Variants in CCDC171 observed in about 807,000 individuals in gnomAD.
The protein encoded by CCDC171 is coiled-coil domain containing 171, also known as coiled-coil domain-containing protein 171.
CCDC171 carries 177 observed loss-of-function variants against 168.2 expected under a neutral mutation model. The observed-to-expected ratio is 1.05, with a 90% CI of 0.93 to 1.19. The LOEUF (loss-of-function observed/expected upper bound fraction) is 1.19, where lower values mean the gene tolerates loss of function less well. Among genes scored for constraint, CCDC171 ranks in the 50% most tolerant of loss-of-function variants. The pLI, the probability that CCDC171 is intolerant of heterozygous loss-of-function variation, is 0.00. For missense variants in CCDC171, 1,991 were observed against 1,539.0 expected (o/e 1.29, Z -4.91); for synonymous variants, 687 against 540.8 (o/e 1.27, Z -3.75).
the CCDC171 span, among the ~76,000 whole-genome samples, chr9:16,089,808 A>G: frequency 1.3e-5 from 2 of 152,210 alleles, no homozygotes; most frequent in South Asian, 2.1e-4. Context: ...TATGCACTCA[A>G]GAAACATGAA....
At chr9:15,911,116 A>G (rs1209860907) in intron 24 of CCDC171, among the ~76,000 whole-genome samples, 1 of 152,190 alleles carries the variant, frequency 6.6e-6, no homozygotes, top group Admixed American at 6.5e-5. Flanking sequence ...TTGAGGAATC[A>G]CCAGACTGTC....
intron 21 of CCDC171, among the ~76,000 whole-genome samples, chr9:15,821,265 G>A (rs2136098231): frequency 8.5e-6 from 1 of 117,326 alleles, no homozygotes; most frequent in South Asian, 2.8e-4. Flanking sequence ...CATTCCCTTT[G>A]AAAACTGGCA....
At chr9:15,904,321 G>A (rs60018251) in intron 24 of CCDC171, among the ~76,000 whole-genome samples, 139 of 152,282 alleles carry the variant, frequency 9.1e-4, no homozygotes, top group African/African-American at 3.2e-3. Context: ...GACTAACAGT[G>A]GATCTCTCGG....
chr9:15,570,265 C>A (rs2040118800), intron 2 of CCDC171, among the ~76,000 whole-genome samples: 2 of 152,082 alleles, frequency 1.3e-5, no homozygotes, highest in Admixed American at 1.3e-4. Flanking sequence ...GCCACTGCAC[C>A]TGGCTGTTTT....
intron 25 of CCDC171, among the ~76,000 whole-genome samples, chr9:15,967,558 G>A (rs950341345): frequency 1.3e-5 from 2 of 152,142 alleles, no homozygotes; most frequent in African/African-American, 4.8e-5. Flanking sequence ...AAAAAAGTTA[G>A]GGTTTATAGT....
intron 3 of CCDC171, among the ~76,000 whole-genome samples, chr9:15,989,734 T>G (rs1363130041): frequency 6.7e-6 from 1 of 150,368 alleles, no homozygotes; most frequent in Non-Finnish European, 1.5e-5. Flanking sequence ...AGTCCTTAAA[T>G]GACCTGATGG....
chr9:16,035,057 G>A (rs961776944), intron 6 of CCDC171, among the ~76,000 whole-genome samples: 2 of 152,264 alleles, frequency 1.3e-5, no homozygotes, highest in African/African-American at 2.4e-5. Flanking sequence ...GGGCTGAATC[G>A]AATAAATTAT....
chr9:15,582,103 A>G (rs567365079), intron 4 of CCDC171, among the ~76,000 whole-genome samples: 1 of 152,214 alleles, frequency 6.6e-6, no homozygotes, highest in Admixed American at 6.5e-5. Context: ...CAATCTCATC[A>G]GAAAGTGGGC....
At chr9:16,070,484 T>G in the CCDC171 span, among the ~76,000 whole-genome samples, 1 of 152,190 alleles carries the variant, frequency 6.6e-6, no homozygotes, top group Non-Finnish European at 1.5e-5. Context: ...TATTGCTGGT[T>G]GGGCCTGGGG....
intron 25 of CCDC171, among the ~76,000 whole-genome samples, chr9:15,952,638 C>G (rs1025029795): frequency 6.6e-6 from 1 of 152,068 alleles, no homozygotes; most frequent in Non-Finnish European, 1.5e-5. Context: ...CTCAGGTGAT[C>G]CACCTGCCTT....
At chr9:15,827,205 A>G (rs879095174) in intron 21 of CCDC171, among the ~76,000 whole-genome samples, 1 of 152,104 alleles carries the variant, frequency 6.6e-6, no homozygotes, top group South Asian at 2.1e-4. Context: ...TGAAATAAAT[A>G]CCTTCTTTTT....
chr9:15,695,293 A>G lies in CCDC171; in HGVS notation c.1274A>G (p.Glu425Gly). 1 of 1,614,178 alleles carries G rather than the reference A, an allele frequency of 6.2e-7. No homozygotes were observed. Reference sequence around the variant, plus strand: ...TGTGAAAATAACGTGAAAGAATTGGAATCGATCTTGGACAGCTTTACTGTG... The same window carrying G: ...TGTGAAAATAACGTGAAAGAATTGGGATCGATCTTGGACAGCTTTACTGTG... ...ETCENNVKEL[E>G]SILDSFTVSG... Residue 425 changes from glutamate (E) to glycine (G), a missense_variant, in exon 11 of 26, where the codon GAA (glutamate) becomes GGA (glycine). Glu to Gly is a moderately conservative substitution (Grantham distance 98). Transcript: ENST00000380701.
chr9:15,766,740 C>A (rs1241955912), intron 18 of CCDC171, among the ~76,000 whole-genome samples: 1 of 152,014 alleles, frequency 6.6e-6, no homozygotes, highest in Non-Finnish European at 1.5e-5. Flanking sequence ...ACTGCAGCTT[C>A]AAATTTCTGG....
At chr9:15,576,609 G>C (rs1206077117) in intron 3 of CCDC171, among the ~76,000 whole-genome samples, 1 of 152,188 alleles carries the variant, frequency 6.6e-6, no homozygotes, top group Non-Finnish European at 1.5e-5. Flanking sequence ...TGCCAGGAAA[G>C]TGCTAGTATT....
At chr9:15,769,116 A>G (rs2056881566) in intron 18 of CCDC171, among the ~76,000 whole-genome samples, 1 of 152,250 alleles carries the variant, frequency 6.6e-6, no homozygotes, top group Non-Finnish European at 1.5e-5. Flanking sequence ...AAAGGAATTT[A>G]TTACATGGAT....
At chr9:15,852,305 T>G (rs1184906435) in intron 23 of CCDC171, among the ~76,000 whole-genome samples, 1 of 151,860 alleles carries the variant, frequency 6.6e-6, no homozygotes, top group Non-Finnish European at 1.5e-5. Flanking sequence ...CACTATGGTT[T>G]TGATTTGTAT....
At chr9:15,610,627 TA>T (rs1054395104) in intron 6 of CCDC171, among the ~76,000 whole-genome samples, 46 of 140,972 alleles carry the variant, frequency 3.3e-4, no homozygotes, top group East Asian at 1.0e-3. Flanking sequence ...AAACTCTGTC[TA>T]AAAAAAAAAA....
intron 21 of CCDC171, among the ~76,000 whole-genome samples, chr9:15,818,681 T>C (rs2059650018): frequency 8.6e-6 from 1 of 116,828 alleles, no homozygotes; most frequent in African/African-American, 3.2e-5. Flanking sequence ...CTCCAAGAAA[T>C]ATGGGACTAT....
At chr9:15,822,601 C>A (rs2059830546) in intron 21 of CCDC171, among the ~76,000 whole-genome samples, 1 of 152,110 alleles carries the variant, frequency 6.6e-6, no homozygotes, top group African/African-American at 2.4e-5. Context: ...TCATCACTGA[C>A]CATCAGAGAA....
Sources: gnomAD v4.1 joint callset for allele counts (sites outside exome capture counted in the v4.1 genomes callset) on GRCh38, gnomAD v4.1.1 for gene constraint, MANE v1.5 for transcripts, NCBI Gene and HGNC (gene_info 2026-07-23, HGNC 2026-07-21) for gene names.